The following PDE4D variants were observed in gnomAD, a reference collection of about 807,000 sequenced individuals.
The protein encoded by PDE4D is 3',5'-cyclic-AMP phosphodiesterase 4D.
A neutral mutation model predicts 87.4 loss-of-function variants in PDE4D; 24 were observed. That is an observed-to-expected ratio of 0.27 (90% confidence interval 0.20 to 0.39). The LOEUF is 0.39. Among genes scored for constraint, PDE4D ranks in the 10% least tolerant of loss-of-function variants. The pLI is 1.00. For synonymous variants in PDE4D, 384 were observed against 383.2 expected (o/e 1.00, Z -0.02); for missense variants, 714 against 1,041.0 (o/e 0.69, Z 4.32).
At chr5:59,212,886 C>T (rs6867591) in intron 2 of PDE4D, among the ~76,000 whole-genome samples, 17,836 of 151,756 alleles carry the variant, frequency 0.12, 1,583 homozygotes, top group African/African-American at 0.24. Context: ...CACCTTTACC[C>T]TGTTCCCTTT....
intron 2 of PDE4D, among the ~76,000 whole-genome samples, chr5:60,004,797 T>C (rs1288332384): frequency 6.6e-6 from 1 of 152,136 alleles, no homozygotes; most frequent in Non-Finnish European, 1.5e-5. Context: ...ATTAGGATGG[T>C]CATAAAAAGT....
chr5:60,181,282 T>G (rs1170107975), intron 2 of PDE4D, among the ~76,000 whole-genome samples: 4 of 152,140 alleles, frequency 2.6e-5, no homozygotes, highest in Non-Finnish European at 5.9e-5. Flanking sequence ...ATAAAATCAC[T>G]TTAGTTTACC....
In PDE4D at chr5:60,196,948, C is replaced by A. The variant is rs140650894; in HGVS notation, c.-89-11261G>T. ...CATTAATTACAAATCATAGTCTGTA[C>A]TTTGTATCATGAGACCAACTAGGTT... On this transcript the variant is annotated intron_variant, in intron 1 of 16. Transcript: ENST00000502484. Among the ~76,000 whole-genome samples, 114 of 151,338 alleles carry A rather than the reference C, an allele frequency of 7.5e-4. 2 individuals carry two copies. Among genetic ancestry groups the A allele is most frequent in the African/African-American group, 2.7e-3 (112 of 41,392 alleles).
chr5:60,511,402 A>G (rs1750566231), intron 1 of PDE4D, among the ~76,000 whole-genome samples: 1 of 152,146 alleles, frequency 6.6e-6, no homozygotes, highest in African/African-American at 2.4e-5. Flanking sequence ...GGTAAACTCT[A>G]AAGAATAAAG....
In PDE4D at chr5:59,337,332, C is replaced by G. The variant is rs7703452; in HGVS notation, c.456-121364G>C. On this transcript the variant is annotated intron_variant, in intron 1 of 14. Transcript: ENST00000340635. ...AAAGGCATTCATAAGTTCCCCCCCC[C>G]CCACCTTTTTTTTTTTTTTGACACG... Among the ~76,000 whole-genome samples, 1,200 of 146,256 alleles carry G rather than the reference C, an allele frequency of 8.2e-3. 25 individuals carry two copies. Among genetic ancestry groups the G allele is most frequent in the African/African-American group, 0.029 (1,119 of 38,872 alleles).
intron 1 of PDE4D, among the ~76,000 whole-genome samples, chr5:59,307,731 G>A (rs986461562): frequency 1.3e-5 from 2 of 151,946 alleles, no homozygotes; most frequent in Non-Finnish European, 2.9e-5. Flanking sequence ...GAGAGGATGT[G>A]GAGAAATAGG....
intron 1 of PDE4D, among the ~76,000 whole-genome samples, chr5:59,219,117 T>C (rs1040627161): frequency 2.7e-5 from 4 of 149,698 alleles, no homozygotes; most frequent in African/African-American, 9.8e-5. Context: ...GTGGGTGCAG[T>C]GCACCAGCAT....
intron 1 of PDE4D, among the ~76,000 whole-genome samples, chr5:60,280,833 T>C (rs564315113): frequency 6.6e-6 from 1 of 152,356 alleles, no homozygotes; most frequent in Admixed American, 6.5e-5. Context: ...ATTAACTTAC[T>C]AATTAAAAAT....
chr5:59,829,365 C>T (rs78101809), intron 1 of PDE4D, among the ~76,000 whole-genome samples: 3,577 of 151,930 alleles, frequency 0.024, 135 homozygotes, highest in African/African-American at 0.082. Flanking sequence ...TGTATATATA[C>T]CCAATTATGT....
intron 3 of PDE4D, among the ~76,000 whole-genome samples, chr5:59,900,667 T>G (rs891911624): frequency 2.6e-5 from 4 of 152,322 alleles, no homozygotes; most frequent in South Asian, 4.1e-4. Flanking sequence ...GATTACTCAG[T>G]TGCTAAATGT....
At chr5:59,141,602 G>A (rs892366487) in intron 5 of PDE4D, among the ~76,000 whole-genome samples, 5 of 152,120 alleles carry the variant, frequency 3.3e-5, no homozygotes, top group African/African-American at 9.7e-5. Context: ...CTTATAGACC[G>A]GGCTTTTTTT....
chr5:59,213,131 T>C (rs1750440218), intron 2 of PDE4D, among the ~76,000 whole-genome samples: 2 of 151,132 alleles, frequency 1.3e-5, no homozygotes, highest in Admixed American at 6.6e-5. Flanking sequence ...TCTTCTCTTC[T>C]CTCTTATTCT....
chr5:60,291,142 T>C (rs576312948), intron 1 of PDE4D, among the ~76,000 whole-genome samples: 11 of 152,324 alleles, frequency 7.2e-5, no homozygotes, highest in Admixed American at 2.6e-4. Flanking sequence ...TTGACATGGA[T>C]ACAAACCATC....
intron 1 of PDE4D, among the ~76,000 whole-genome samples, chr5:59,699,494 G>T (rs1411424883): frequency 1.3e-5 from 2 of 152,086 alleles, no homozygotes; most frequent in Non-Finnish European, 2.9e-5. Flanking sequence ...TAAAAAGATG[G>T]TATTAAGACT....
At chr5:59,919,400 T>A (rs1243959162) in intron 3 of PDE4D, among the ~76,000 whole-genome samples, 1 of 152,166 alleles carries the variant, frequency 6.6e-6, no homozygotes, top group Non-Finnish European at 1.5e-5. Flanking sequence ...ACAATCTGCA[T>A]GGACTTTCTA....
At chr5:60,453,626 A>G (rs1432299853) in intron 1 of PDE4D, among the ~76,000 whole-genome samples, 1 of 152,164 alleles carries the variant, frequency 6.6e-6, no homozygotes. Flanking sequence ...ATAAATTTCA[A>G]AACAAGAAAA....
At chr5:59,267,808 T>C (rs28529077) in intron 1 of PDE4D, among the ~76,000 whole-genome samples, 14,982 of 152,134 alleles carry the variant, frequency 0.098, 793 homozygotes, top group Non-Finnish European at 0.12. Context: ...TTGGTGTGCA[T>C]ACATTCTACA....
At chr5:59,530,268 C>A (rs1475676981) in intron 1 of PDE4D, among the ~76,000 whole-genome samples, 2 of 151,956 alleles carry the variant, frequency 1.3e-5, no homozygotes, top group Non-Finnish European at 2.9e-5. Flanking sequence ...ATATGGTATA[C>A]TAAAACTTAA....
At chr5:59,882,076 T>C (rs1260611172) in intron 1 of PDE4D, among the ~76,000 whole-genome samples, 1 of 152,236 alleles carries the variant, frequency 6.6e-6, no homozygotes, top group Non-Finnish European at 1.5e-5. Flanking sequence ...TATTTGGATA[T>C]TTCAGCTATT....
Sources: gnomAD v4.1 joint callset for allele counts (sites outside exome capture counted in the v4.1 genomes callset) on GRCh38, gnomAD v4.1.1 for gene constraint, MANE v1.5 for transcripts, NCBI Gene and HGNC (gene_info 2026-07-23, HGNC 2026-07-21) for gene names.